The following AGBL1 variants were observed in gnomAD, a reference collection of about 807,000 sequenced individuals.
AGBL1 encodes the protein cytosolic carboxypeptidase 4.
A neutral mutation model predicts 118.9 loss-of-function variants in AGBL1; 130 were observed. That is an observed-to-expected ratio of 1.09 (90% CI 0.95 to 1.26). AGBL1 has a LOEUF of 1.26. Among genes scored for constraint, AGBL1 ranks in the 50% most tolerant of loss-of-function variants. The pLI is 0.00. For synonymous variants in AGBL1, 555 were observed against 478.9 expected (o/e 1.16, Z -2.08); for missense variants, 1,584 against 1,298.1 (o/e 1.22, Z -3.38).
chr15:86,516,793 CAAAAAAA>C (rs3084324), intron 18 of AGBL1, among the ~76,000 whole-genome samples: 1 of 99,218 alleles, frequency 1.0e-5, no homozygotes, highest in Non-Finnish European at 2.0e-5. Flanking sequence ...AACTCCATCT[CAAAAAAA>C]AAAAAAAAAA....
intron 1 of AGBL1, among the ~76,000 whole-genome samples, chr15:86,122,509 A>G (rs1312187948): frequency 1.3e-5 from 2 of 152,220 alleles, no homozygotes; most frequent in Non-Finnish European, 2.9e-5. Flanking sequence ...CACTTAAGTG[A>G]TAAACCAAGT....
At chr15:86,346,765 G>A (rs1265847549) in intron 17 of AGBL1, among the ~76,000 whole-genome samples, 4 of 152,192 alleles carry the variant, frequency 2.6e-5, no homozygotes, top group African/African-American at 7.2e-5. Context: ...TCTGAAAAAT[G>A]GACCTTTTGT....
rs568309675 is a variant in AGBL1, at chr15:86,331,745, T to C, written c.2374+36337T>C. ...ATAAAATGTTTTTCAGAATAGCAAG[T>C]GCTATGGGAATTTGTTATCACCAGA... On this transcript the variant is annotated intron_variant, in intron 17 of 22. Coordinates refer to ENST00000614907, the MANE Select transcript of AGBL1 (RefSeq NM_001386094.1). 8.6e-4 allele frequency among the ~76,000 whole-genome samples: 131 copies of C among 152,356 alleles called. 1 individual carries two copies. The highest frequency in any genetic ancestry group is 1.0e-3 in the Non-Finnish European group (68 of 68,030).
At chr15:86,252,937 G>A (rs2078839504) in intron 7 of AGBL1, among the ~76,000 whole-genome samples, 1 of 152,224 alleles carries the variant, frequency 6.6e-6, no homozygotes, top group Non-Finnish European at 1.5e-5. Context: ...ACCGCAAAGA[G>A]AAGGGAGAGA....
At chr15:86,476,150 T>A (rs943168046) in intron 18 of AGBL1, among the ~76,000 whole-genome samples, 16 of 152,290 alleles carry the variant, frequency 1.1e-4, no homozygotes, top group African/African-American at 3.9e-4. Flanking sequence ...AGACCATCGA[T>A]GCTAGGAAGA....
chr15:86,256,719 T>C, intron 7 of AGBL1, 134 bp from the exon 8 acceptor site: 2 of 813,860 alleles, frequency 2.5e-6, no homozygotes, highest in Non-Finnish European at 3.8e-6. Context: ...GGTCTGTCCA[T>C]GCGTATAATT....
At chr15:86,536,113 G>T (rs2083422580) in intron 19 of AGBL1, among the ~76,000 whole-genome samples, 2 of 152,080 alleles carry the variant, frequency 1.3e-5, no homozygotes, top group African/African-American at 4.8e-5. Flanking sequence ...CAGAATGAAG[G>T]TTAAACAAGG....
At chr15:86,382,157 G>A (rs1453372345) in intron 17 of AGBL1, among the ~76,000 whole-genome samples, 3 of 149,626 alleles carry the variant, frequency 2.0e-5, no homozygotes, top group Non-Finnish European at 4.4e-5. Context: ...AGGGGATGGG[G>A]GGCAGGGGAG....
At chr15:86,157,362 C>A (rs1223820817) in intron 4 of AGBL1, among the ~76,000 whole-genome samples, 1 of 152,118 alleles carries the variant, frequency 6.6e-6, no homozygotes, top group Non-Finnish European at 1.5e-5. Context: ...AGAAGGTGTG[C>A]CACCCACATT....
At chr15:86,648,345 T>C (rs2085319935) in intron 21 of AGBL1, among the ~76,000 whole-genome samples, 1 of 152,136 alleles carries the variant, frequency 6.6e-6, no homozygotes, top group South Asian at 2.1e-4. Flanking sequence ...TGAATATATG[T>C]TGAAGGCAGA....
At chr15:86,622,773 G>T (rs1026889669) in intron 21 of AGBL1, among the ~76,000 whole-genome samples, 2 of 152,068 alleles carry the variant, frequency 1.3e-5, no homozygotes, top group African/African-American at 4.8e-5. Flanking sequence ...TGATTCAAGG[G>T]CACTGTTTAC....
At chr15:86,822,085 C>T (rs1182612559) in intron 22 of AGBL1, among the ~76,000 whole-genome samples, 1 of 152,140 alleles carries the variant, frequency 6.6e-6, no homozygotes, top group African/African-American at 2.4e-5. Flanking sequence ...CCCTGAAGTA[C>T]AGGGATTTAT....
intron 18 of AGBL1, among the ~76,000 whole-genome samples, chr15:86,468,963 T>C (rs960748404): frequency 3.3e-5 from 5 of 152,126 alleles, no homozygotes; most frequent in African/African-American, 1.2e-4. Flanking sequence ...CAAATACAAA[T>C]TGTATGTATT....
intron 22 of AGBL1, among the ~76,000 whole-genome samples, chr15:86,782,575 A>G (rs751193335): frequency 8.6e-5 from 13 of 150,380 alleles, no homozygotes; most frequent in Non-Finnish European, 1.9e-4. Context: ...TGGTGGTTAG[A>G]CACAAAAATA....
chr15:86,100,858 G>A (rs1439179759), intron 1 of AGBL1, among the ~76,000 whole-genome samples: 3 of 151,910 alleles, frequency 2.0e-5, no homozygotes, highest in African/African-American at 7.2e-5. Context: ...TTTTTAGTCA[G>A]TATTTCATTT....
chr15:86,721,007 A>G (rs1316679027), intron 22 of AGBL1, among the ~76,000 whole-genome samples: 1 of 152,192 alleles, frequency 6.6e-6, no homozygotes, highest in Non-Finnish European at 1.5e-5. Context: ...GCAATAATTA[A>G]TAGCTTACCA....
intron 1 of AGBL1, among the ~76,000 whole-genome samples, chr15:86,113,311 T>C (rs1336173796): frequency 3.5e-5 from 5 of 144,426 alleles, no homozygotes; most frequent in Non-Finnish European, 7.6e-5. Context: ...TTTTGGAGAC[T>C]GAGTCTTACT....
chr15:86,821,034 A>C (rs909723932), intron 22 of AGBL1, among the ~76,000 whole-genome samples: 5 of 152,188 alleles, frequency 3.3e-5, no homozygotes, highest in African/African-American at 1.2e-4. Flanking sequence ...TTGCAGGGAC[A>C]TGGATGAAGC....
downstream of AGBL1, among the ~76,000 whole-genome samples, chr15:86,919,735 C>T (rs1055475153): frequency 1.3e-5 from 2 of 152,170 alleles, no homozygotes; most frequent in Non-Finnish European, 2.9e-5. Flanking sequence ...TAAATAGAAG[C>T]GACTGCGGCA....
Sources: allele counts gnomAD v4.1 joint callset (sites outside exome capture counted in the v4.1 genomes callset), GRCh38; gene constraint gnomAD v4.1.1; transcripts MANE v1.5; gene names NCBI Gene and HGNC (gene_info 2026-07-23, HGNC 2026-07-21).